Variants in ACTR3C observed in about 807,000 individuals in gnomAD.
ACTR3C encodes the protein actin related protein 3C.
A neutral mutation model predicts 26.3 loss-of-function variants in ACTR3C; 18 were observed. The ratio of observed to expected loss-of-function variants is 0.68; its 90% CI spans 0.47 to 1.01. ACTR3C has a LOEUF of 1.01. Ranked by LOEUF, ACTR3C falls within the 50% of genes least tolerant of loss-of-function variation. The pLI, the probability that ACTR3C is intolerant of heterozygous loss-of-function variation, is 0.00. For missense variants in ACTR3C, 184 were observed against 250.7 expected (o/e 0.73, Z 1.80); for synonymous variants, 55 against 94.5 (o/e 0.58, Z 2.42).
the ACTR3C span, among the ~76,000 whole-genome samples, chr7:150,205,802 A>G: frequency 6.6e-6 from 1 of 151,444 alleles, no homozygotes; most frequent in East Asian, 1.9e-4. Flanking sequence ...AAAATAATTC[A>G]GAAGAATTCA....
the ACTR3C span, among the ~76,000 whole-genome samples, chr7:150,075,705 C>T: frequency 1.3e-5 from 2 of 152,178 alleles, no homozygotes; most frequent in Non-Finnish European, 2.9e-5. Context: ...CAAGTTCTCC[C>T]ATGTGGCTGA....
intron 6 of ACTR3C, among the ~76,000 whole-genome samples, chr7:150,284,127 A>G (rs1219846365): frequency 2.6e-5 from 4 of 152,214 alleles, no homozygotes; most frequent in African/African-American, 4.8e-5. Context: ...AAACCAATGG[A>G]ATTCACGGAA....
chr7:149,892,785 G>C, the ACTR3C span, among the ~76,000 whole-genome samples: 64,208 of 118,408 alleles, frequency 0.54, 20,161 homozygotes, highest in East Asian at 0.76. Flanking sequence ...CAGAAAAGGA[G>C]AGTAAACTGA....
At chr7:150,252,437 T>C (rs1384323652) in intron 6 of ACTR3C, among the ~76,000 whole-genome samples, 1 of 152,126 alleles carries the variant, frequency 6.6e-6, no homozygotes, top group African/African-American at 2.4e-5. Flanking sequence ...AGTGGTCTAA[T>C]GAAGGGGCTG....
chr7:150,016,428 A>G, the ACTR3C span, among the ~76,000 whole-genome samples: 1 of 152,166 alleles, frequency 6.6e-6, no homozygotes, highest in South Asian at 2.1e-4. Context: ...CACCCAAGGC[A>G]TCATCTTCCC....
the ACTR3C span, among the ~76,000 whole-genome samples, chr7:149,944,020 C>T: frequency 7.2e-6 from 1 of 139,086 alleles, no homozygotes; most frequent in Non-Finnish European, 1.5e-5. Flanking sequence ...GTTGGGTGGA[C>T]ATTTGGGCAG....
the ACTR3C span, among the ~76,000 whole-genome samples, chr7:150,033,670 TCGC>T: frequency 2.0e-5 from 3 of 151,550 alleles, no homozygotes; most frequent in African/African-American, 7.3e-5. Flanking sequence ...AGTCCCTGCC[TCGC>T]GGGGGGTGCC....
At chr7:150,311,738 G>T (rs192317026) in intron 1 of ACTR3C, among the ~76,000 whole-genome samples, 1 of 152,116 alleles carries the variant, frequency 6.6e-6, no homozygotes, top group African/African-American at 2.4e-5. Context: ...GCCAAATCTC[G>T]CCAGCTAAAG....
chr7:150,318,033 C>T (rs1585018279), intron 1 of ACTR3C, among the ~76,000 whole-genome samples: 1 of 152,082 alleles, frequency 6.6e-6, no homozygotes, highest in Admixed American at 6.5e-5. Flanking sequence ...ATGGGGATTT[C>T]CTCTCAATGG....
chr7:150,030,009 C>G, the ACTR3C span, among the ~76,000 whole-genome samples: 2 of 138,402 alleles, frequency 1.4e-5, no homozygotes, highest in African/African-American at 5.5e-5. Flanking sequence ...AGTGTCCCTC[C>G]TCTCGCTCCC....
chr7:149,911,611 A>G, the ACTR3C span, among the ~76,000 whole-genome samples: 2 of 152,004 alleles, frequency 1.3e-5, no homozygotes, highest in Non-Finnish European at 1.5e-5. Context: ...AATCACAGAC[A>G]TCATCTCCTA....
At chr7:150,016,570 T>C in the ACTR3C span, among the ~76,000 whole-genome samples, 2 of 152,082 alleles carry the variant, frequency 1.3e-5, no homozygotes, top group Non-Finnish European at 2.9e-5. Flanking sequence ...TTCCACTGCA[T>C]GTTTCAATCA....
the ACTR3C span, among the ~76,000 whole-genome samples, chr7:150,079,146 A>G: frequency 2.6e-5 from 4 of 152,124 alleles, no homozygotes; most frequent in African/African-American, 9.7e-5. Flanking sequence ...GGATTCTGGG[A>G]GTGCCAGGTC....
chr7:150,042,310 A>G, the ACTR3C span, among the ~76,000 whole-genome samples: 4 of 42,154 alleles, frequency 9.5e-5, no homozygotes, highest in Non-Finnish European at 2.0e-4. Flanking sequence ...CAGGGGGGGA[A>G]GAGGGACTGG....
chr7:150,228,952 A>G, the ACTR3C span, among the ~76,000 whole-genome samples: 1 of 151,462 alleles, frequency 6.6e-6, no homozygotes, highest in African/African-American at 2.4e-5. Flanking sequence ...TAGTAATGGT[A>G]CAAATTATAC....
At chr7:149,965,518 C>T in the ACTR3C span, among the ~76,000 whole-genome samples, 1 of 148,456 alleles carries the variant, frequency 6.7e-6, no homozygotes, top group Non-Finnish European at 1.5e-5. Context: ...GGGCCTCTGA[C>T]ATGAAACTCT....
At chr7:149,906,339 G>A in the ACTR3C span, among the ~76,000 whole-genome samples, 2 of 150,100 alleles carry the variant, frequency 1.3e-5, no homozygotes, top group South Asian at 4.2e-4. Flanking sequence ...CTGATACAGA[G>A]ATGAAATATG....
the ACTR3C span, among the ~76,000 whole-genome samples, chr7:150,042,543 G>C: frequency 6.6e-6 from 1 of 151,114 alleles, no homozygotes; most frequent in South Asian, 2.1e-4. Flanking sequence ...GAGCCAGGGG[G>C]GGAAGAGGGG....
At chr7:150,154,601 G>A in the ACTR3C span, among the ~76,000 whole-genome samples, 1 of 152,068 alleles carries the variant, frequency 6.6e-6, no homozygotes, top group African/African-American at 2.4e-5. Context: ...CAGGCTTTTT[G>A]GTTTTGTGTC....
Sources: gnomAD v4.1 joint callset for allele counts (sites outside exome capture counted in the v4.1 genomes callset) on GRCh38, gnomAD v4.1.1 for gene constraint, MANE v1.5 for transcripts, NCBI Gene and HGNC (gene_info 2026-07-23, HGNC 2026-07-21) for gene names.